Variants in CDH4 observed in about 807,000 individuals in gnomAD.
CDH4 encodes the protein cadherin 4.
CDH4 carries 33 observed loss-of-function variants against 86.0 expected under a neutral mutation model. The observed-to-expected ratio is 0.38, with a 90% CI of 0.29 to 0.51. CDH4 has a LOEUF of 0.51. Ranked by LOEUF, CDH4 falls within the 20% of genes least tolerant of loss-of-function variation. CDH4 has a pLI of 0.86. For synonymous variants in CDH4, 555 were observed against 549.4 expected (o/e 1.01, Z -0.14); for missense variants, 1,114 against 1,307.4 (o/e 0.85, Z 2.28).
chr20:61,672,501 G>A (rs117546358), intron 2 of CDH4, among the ~76,000 whole-genome samples: 2,290 of 152,286 alleles, frequency 0.015, 31 homozygotes, highest in Non-Finnish European at 0.023. Flanking sequence ...GGCCCTGTCC[G>A]TGAAGTGTGT....
At chr20:61,731,529 A>G (rs1010166878) in intron 2 of CDH4, among the ~76,000 whole-genome samples, 3 of 152,154 alleles carry the variant, frequency 2.0e-5, no homozygotes, top group Admixed American at 1.3e-4. Flanking sequence ...GGTGGGGTGA[A>G]GCAGAGGCTT....
At chr20:61,744,897 G>A (rs1012568582) in intron 3 of CDH4, among the ~76,000 whole-genome samples, 3 of 152,192 alleles carry the variant, frequency 2.0e-5, no homozygotes, top group Admixed American at 6.5e-5. Flanking sequence ...CAGCCACTGC[G>A]CCAGCCTTCA....
rs535252543 is a variant in CDH4, at chr20:61,479,775, T to TC, written c.169+224840dup. Among the ~76,000 whole-genome samples, 416 of 152,306 alleles carry TC rather than the reference T, an allele frequency of 2.7e-3. 4 individuals are homozygous for TC. In the Middle Eastern group the frequency reaches 0.054, roughly 20 times the overall value. ...AGACTGGGAAAATCGTGGTCATGAT[T>TC]CCATGGCTTTTGTCACTCTGCCCCC... On this transcript the variant is annotated intron_variant, in intron 2 of 15. Transcript: ENST00000614565.
At chr20:61,302,748 C>A (rs1408724406) in intron 2 of CDH4, among the ~76,000 whole-genome samples, 2 of 152,182 alleles carry the variant, frequency 1.3e-5, no homozygotes, top group Non-Finnish European at 2.9e-5. Context: ...CCTAATCTCT[C>A]CACCTCTGAA....
chr20:61,836,182 CG>C (rs1170112896), intron 4 of CDH4, among the ~76,000 whole-genome samples: 3 of 152,198 alleles, frequency 2.0e-5, no homozygotes, highest in Admixed American at 2.0e-4. Flanking sequence ...TGAGGCACGT[CG>C]GTTGTATTCC....
chr20:61,586,274 G>A (rs981830799), intron 2 of CDH4, among the ~76,000 whole-genome samples: 2 of 152,158 alleles, frequency 1.3e-5, no homozygotes, highest in African/African-American at 4.8e-5. Flanking sequence ...GGTGGTGATG[G>A]TGATAGTGGG....
intron 2 of CDH4, among the ~76,000 whole-genome samples, chr20:61,525,054 G>A (rs2085900388): frequency 6.6e-6 from 1 of 152,190 alleles, no homozygotes. Flanking sequence ...AAATTATGCG[G>A]GGCGGGTCAT....
intron 2 of CDH4, among the ~76,000 whole-genome samples, chr20:61,548,207 A>G (rs2086102959): frequency 6.6e-6 from 1 of 152,190 alleles, no homozygotes; most frequent in Non-Finnish European, 1.5e-5. Context: ...TAAGGGGAGA[A>G]ATACCCAAAA....
chr20:61,294,042 G>A (rs1829277319), intron 2 of CDH4, among the ~76,000 whole-genome samples: 1 of 152,184 alleles, frequency 6.6e-6, no homozygotes, highest in South Asian at 2.1e-4. Flanking sequence ...GCCCCGGCAG[G>A]ACAGGTGGTC....
At chr20:61,362,467 C>T (rs944868520) in intron 2 of CDH4, among the ~76,000 whole-genome samples, 6 of 135,806 alleles carry the variant, frequency 4.4e-5, no homozygotes, top group Admixed American at 3.7e-4. Flanking sequence ...CCTAGGACAG[C>T]GTAGGGGAGA....
At chr20:61,890,465 G>C (rs1325643623) in intron 7 of CDH4, among the ~76,000 whole-genome samples, 2 of 151,174 alleles carry the variant, frequency 1.3e-5, no homozygotes, top group African/African-American at 4.9e-5. Flanking sequence ...AATGGATGAT[G>C]GAAGGGTGAG....
At position 61,783,646 on chromosome 20, in the gene CDH4, G is replaced by A. The variant is rs189973654; in HGVS notation, c.576+10464G>A. ...CAGGAGAATATAAGCCTAGTTCCTCGGGACAGTTCTCGAGGCCCTCAGGTG... is the reference window on the plus strand; with the variant it reads ...CAGGAGAATATAAGCCTAGTTCCTCAGGACAGTTCTCGAGGCCCTCAGGTG... On this transcript the variant is annotated intron_variant, in intron 4 of 15. Transcript: ENST00000614565. Among the ~76,000 whole-genome samples the A allele has an allele frequency of 5.7e-4, 80 of 140,476 alleles. 3 individuals carry two copies. Among genetic ancestry groups the A allele is most frequent in the Admixed American group, 1.3e-3 (18 of 14,090 alleles). The allele number at this position is 140,476 out of a possible 152,430, so 92.2% of individuals were successfully genotyped here.
At chr20:61,481,230 G>A (rs887694277) in intron 2 of CDH4, among the ~76,000 whole-genome samples, 1 of 152,204 alleles carries the variant, frequency 6.6e-6, no homozygotes, top group Non-Finnish European at 1.5e-5. Context: ...CGTGGGGGAG[G>A]GAGATGCTTT....
intron 2 of CDH4, among the ~76,000 whole-genome samples, chr20:61,587,404 C>T (rs1395219755): frequency 6.6e-6 from 1 of 152,200 alleles, no homozygotes; most frequent in Non-Finnish European, 1.5e-5. Flanking sequence ...AGCAGGGGCA[C>T]AGCCTGCTGG....
chr20:61,526,487 TTC>T (rs1228109003), intron 2 of CDH4, among the ~76,000 whole-genome samples: 3 of 151,900 alleles, frequency 2.0e-5, no homozygotes, highest in African/African-American at 7.3e-5. Context: ...TTGTTTTTTT[TTC>T]TTTCTTTTTT....
chr20:61,543,364 C>T (rs570390475), intron 2 of CDH4, among the ~76,000 whole-genome samples: 12 of 152,266 alleles, frequency 7.9e-5, no homozygotes, highest in Non-Finnish European at 1.3e-4. Flanking sequence ...AAGTGTTTGA[C>T]GTGACTCTGT....
chr20:61,459,079 G>A (rs1414316267), intron 2 of CDH4, among the ~76,000 whole-genome samples: 2 of 151,458 alleles, frequency 1.3e-5, no homozygotes. Context: ...TTTTTAGTCA[G>A]TTTGCAGCTC....
chr20:61,298,108 T>C (rs563703494), intron 2 of CDH4, among the ~76,000 whole-genome samples: 15 of 152,110 alleles, frequency 9.9e-5, no homozygotes, highest in Non-Finnish European at 1.8e-4. Flanking sequence ...TGGGGCAGCC[T>C]GTTACTGGTG....
intron 4 of CDH4, among the ~76,000 whole-genome samples, chr20:61,774,473 T>C: frequency 6.6e-6 from 1 of 152,246 alleles, no homozygotes; most frequent in East Asian, 1.9e-4. Context: ...CGGCCATTGC[T>C]TGTGTTGTCA....
Sources: gnomAD v4.1 joint callset for allele counts (sites outside exome capture counted in the v4.1 genomes callset) on GRCh38, gnomAD v4.1.1 for gene constraint, MANE v1.5 for transcripts, NCBI Gene and HGNC (gene_info 2026-07-23, HGNC 2026-07-21) for gene names.